Variants in MCM10 observed in about 807,000 individuals in gnomAD.
MCM10 encodes the protein protein MCM10 homolog.
Under a neutral mutation model 109.9 loss-of-function variants are expected in MCM10, and 91 were observed. The ratio of observed to expected loss-of-function variants is 0.83; its 90% CI spans 0.70 to 0.99. MCM10 has a LOEUF of 0.99. Among genes scored for constraint, MCM10 ranks in the 50% least tolerant of loss-of-function variants. The pLI, the probability that MCM10 is intolerant of heterozygous loss-of-function variation, is 0.00. For synonymous variants in MCM10, 380 were observed against 387.2 expected, an observed-to-expected ratio of 0.98 and a Z score of 0.22; for missense variants, 1,077 against 1,061.2, an observed-to-expected ratio of 1.01 and a Z score of -0.21.
chr10:13,188,825 C>T (rs565964909), intron 9 of MCM10, 56 bp from the exon 10 acceptor site: 2 of 1,459,710 alleles, frequency 1.4e-6, no homozygotes, highest in East Asian at 2.3e-5. Context: ...TGTCTGCTCA[C>T]TGCTGTTTCC....
intron 9 of MCM10, among the ~76,000 whole-genome samples, chr10:13,186,509 A>C (rs1834276302): frequency 6.6e-6 from 1 of 152,210 alleles, no homozygotes; most frequent in Admixed American, 6.5e-5. Context: ...TTATCTGACC[A>C]AGAAGTTTAA....
intron 10 of MCM10, among the ~76,000 whole-genome samples, chr10:13,190,423 C>A (rs954850719): frequency 9.2e-5 from 14 of 152,202 alleles, no homozygotes; most frequent in African/African-American, 3.4e-4. Context: ...GTGGCTTACA[C>A]CTGTAATCCC....
Position 13,164,137 on chromosome 10 carries a change from T to C in MCM10, c.-66T>C. 3 of 1,424,450 alleles carry C rather than the reference T, an allele frequency of 2.1e-6. No individual in the cohort carries two copies. The highest frequency in any genetic ancestry group is 2.9e-6 in the Non-Finnish European group (3 of 1,048,250). The allele number at this position is 1,424,450 out of a possible 1,614,324, so 88.2% of individuals were successfully genotyped here. ...TATTGCTTTCACACAGCCAAGATTC[T>C]ACATTGCTCATCTGGGCATCTGAGC... On this transcript the variant is annotated 5_prime_UTR_variant, in exon 2 of 20. Transcript: ENST00000378714.
chr10:13,194,081 G>A (rs912965926), intron 13 of MCM10, among the ~76,000 whole-genome samples: 1 of 103,738 alleles, frequency 9.6e-6, no homozygotes, highest in Non-Finnish European at 2.3e-5. Context: ...TATCTCTTAT[G>A]AGGCTGGCTT....
intron 2 of MCM10, among the ~76,000 whole-genome samples, chr10:13,167,588 G>GGA (rs1834018175): frequency 7.9e-6 from 1 of 127,356 alleles, no homozygotes; most frequent in Non-Finnish European, 1.6e-5. Flanking sequence ...GGAGGACCGG[G>GGA]GGGGGCATGC....
intron 6 of MCM10, among the ~76,000 whole-genome samples, chr10:13,179,964 A>G (rs1834188887): frequency 6.6e-6 from 1 of 152,218 alleles, no homozygotes; most frequent in South Asian, 2.1e-4. Flanking sequence ...TTTAAAAATT[A>G]TCTTAGAGGC....
intron 17 of MCM10, among the ~76,000 whole-genome samples, chr10:13,203,038 T>C (rs1160187435): frequency 2.0e-5 from 3 of 151,928 alleles, no homozygotes; most frequent in Non-Finnish European, 2.9e-5. Context: ...AGAGATGGGG[T>C]TTCACTATGT....
In MCM10 at chr10:13,210,789, T is replaced by A. The variant is rs772187651; in HGVS notation, c.*1479T>A. The stretch of plus-strand genomic sequence containing the variant: ...AAGAAAAGAATAAAGTATTTATTAA[T>A]AAGAACCAGAAAGCACTTGAAACTG... On this transcript the variant is annotated 3_prime_UTR_variant, in exon 20 of 20. Coordinates refer to ENST00000378714, the MANE Select transcript of MCM10 (RefSeq NM_018518.5). 1 of 152,212 alleles carries A rather than the reference T, an allele frequency of 6.6e-6. No individual in the cohort carries two copies. The highest frequency in any genetic ancestry group is 6.5e-5 in the Admixed American group (1 of 15,284). The allele number at this position is 152,212 out of a possible 1,614,324, so 9.4% of individuals were successfully genotyped here.
rs903505972 is a variant in MCM10, at chr10:13,172,252, G to A, written c.350-124G>A. The A allele has an allele frequency of 8.6e-6, 6 of 694,434 alleles. No individual in the cohort carries two copies. In the African/African-American group the frequency reaches 1.1e-4, roughly 12 times the overall value. 43.0% of individuals were successfully genotyped at this position (694,434 alleles called of 1,614,324 possible). On this transcript the variant is annotated intron_variant, in intron 3 of 19. Coordinates refer to ENST00000378714, the MANE Select transcript of MCM10 (RefSeq NM_018518.5). The surrounding 1 kb of genome is among the most constrained non-coding windows in gnomAD (Gnocchi z 5.2). ...AGTTAATCATGAGCTTTGGGTATGT[G>A]ATTATATTGTGGGTCTCAAGGTATT...
At chr10:13,162,773 T>C (rs550945817) in intron 1 of MCM10, among the ~76,000 whole-genome samples, 2 of 151,982 alleles carry the variant, frequency 1.3e-5, no homozygotes, top group Non-Finnish European at 2.9e-5. Flanking sequence ...CGTGGAAATG[T>C]TGGTTGAATG....
At chr10:13,192,622 T>G (rs1834364081) in intron 13 of MCM10, 54 bp downstream of exon 13, 28 of 1,484,344 alleles carry the variant, frequency 1.9e-5, no homozygotes, top group Non-Finnish European at 2.6e-5. Flanking sequence ...TCAGGCGTCC[T>G]CAGAACGTCT....
chr10:13,197,724 G>C lies in MCM10; in HGVS notation c.2076G>C (p.Glu692Asp). 6.2e-7 allele frequency: 1 copy of C among 1,613,840 alleles called. No individual in the cohort carries two copies. The change falls in exon 15 of 20, where the codon GAG becomes GAC. Residue 692 changes from glutamate (E) to aspartate (D), a missense_variant. Glu to Asp is a conservative substitution (Grantham distance 45). Transcript: ENST00000378714. ...KKQKDPQDIL[E>D]VKERVEKNTM... ...AAAAGGACCCTCAGGACATCCTGGA[G>C]GTGAAGGAACGTGTAGAAAAAAACA... is the stretch of plus-strand genomic sequence containing the variant.
chr10:13,198,863 G>C (rs912249836), intron 16 of MCM10, 56 bp downstream of exon 16: 23 of 1,122,694 alleles, frequency 2.0e-5, no homozygotes, highest in South Asian at 1.9e-4. Context: ...TCAAAGCCAA[G>C]GTGCTAGCTG....
chr10:13,178,401 T>C (rs1039911336), intron 6 of MCM10, among the ~76,000 whole-genome samples: 2 of 152,190 alleles, frequency 1.3e-5, no homozygotes, highest in African/African-American at 4.8e-5. Context: ...TTGAATACAT[T>C]TTGAGTTGAT....
intron 18 of MCM10, among the ~76,000 whole-genome samples, chr10:13,206,692 C>A (rs973866033): frequency 1.3e-5 from 2 of 151,942 alleles, no homozygotes; most frequent in African/African-American, 4.8e-5. Context: ...AAAAAAAATT[C>A]TGTTTATTAA....
At chr10:13,181,362 A>G (rs1432764916) in intron 7 of MCM10, among the ~76,000 whole-genome samples, 1 of 152,326 alleles carries the variant, frequency 6.6e-6, no homozygotes, top group East Asian at 1.9e-4. Flanking sequence ...TAGAGCTGAC[A>G]TGGGGTTGAA....
At chr10:13,191,616 C>T (rs748633294) in intron 11 of MCM10, among the ~76,000 whole-genome samples, 3 of 152,150 alleles carry the variant, frequency 2.0e-5, no homozygotes, top group East Asian at 1.9e-4. Flanking sequence ...AAAATGGATA[C>T]AGCTCATACT....
intron 5 of MCM10, among the ~76,000 whole-genome samples, chr10:13,173,748 C>G (rs766581878): frequency 1.3e-5 from 2 of 152,130 alleles, no homozygotes; most frequent in Non-Finnish European, 2.9e-5. Flanking sequence ...CATCCATCCC[C>G]TCAGGACCTT....
chr10:13,178,959 A>G (rs1401680793), intron 6 of MCM10, among the ~76,000 whole-genome samples: 4 of 152,038 alleles, frequency 2.6e-5, no homozygotes, highest in African/African-American at 9.7e-5. Context: ...TTTTATTTGG[A>G]GCAGTTGTAA....
Sources: allele counts gnomAD v4.1 joint callset (sites outside exome capture counted in the v4.1 genomes callset), GRCh38; gene constraint gnomAD v4.1.1; non-coding constraint Gnocchi (gnomAD v3.1); transcripts MANE v1.5; gene names NCBI Gene and HGNC (gene_info 2026-07-23, HGNC 2026-07-21).